CDH13: variants seen among roughly 807,000 people sequenced by gnomAD.
CDH13 encodes cadherin-13.
CDH13 carries 24 observed loss-of-function variants against 63.8 expected under a neutral mutation model. The ratio of observed to expected loss-of-function variants is 0.38; its 90% CI spans 0.27 to 0.53. The LOEUF (loss-of-function observed/expected upper bound fraction) is 0.53. Among genes scored for constraint, CDH13 ranks in the 20% least tolerant of loss-of-function variants. CDH13 has a pLI of 0.85. For missense variants in CDH13, 1,049 were observed against 903.1 expected (o/e 1.16, Z -2.07); for synonymous variants, 503 against 355.3 (o/e 1.42, Z -4.67).
intron 2 of CDH13, among the ~76,000 whole-genome samples, chr16:82,927,727 T>C (rs2042348644): frequency 6.6e-6 from 1 of 152,200 alleles, no homozygotes; most frequent in Non-Finnish European, 1.5e-5. Context: ...TCGTGAGTGA[T>C]AACAGGTAAG....
intron 2 of CDH13, among the ~76,000 whole-genome samples, chr16:82,860,200 G>T (rs1409534278): frequency 6.6e-6 from 1 of 152,080 alleles, no homozygotes; most frequent in Admixed American, 6.5e-5. Context: ...GCGACCCTGA[G>T]TATGGAAATT....
At chr16:83,137,325 G>T (rs1403246700) in intron 4 of CDH13, among the ~76,000 whole-genome samples, 2 of 152,194 alleles carry the variant, frequency 1.3e-5, no homozygotes, top group Non-Finnish European at 1.5e-5. Context: ...CCTAAGGCTG[G>T]AAAATTCTGC....
chr16:83,341,517 A>G (rs1030510259), intron 5 of CDH13, among the ~76,000 whole-genome samples: 1 of 152,286 alleles, frequency 6.6e-6, no homozygotes, highest in East Asian at 1.9e-4. Context: ...TAATAAGATG[A>G]TTTTAAAACT....
chr16:82,910,783 C>A (rs1567653624), intron 2 of CDH13, among the ~76,000 whole-genome samples: 3 of 152,230 alleles, frequency 2.0e-5, no homozygotes, highest in East Asian at 3.9e-4. Flanking sequence ...TTTGGAGGTG[C>A]AGATTTAGAG....
chr16:83,278,511 G>C (rs1163593448), intron 5 of CDH13, among the ~76,000 whole-genome samples: 1 of 152,174 alleles, frequency 6.6e-6, no homozygotes, highest in East Asian at 1.9e-4. Context: ...GTTATAGTTG[G>C]TTTTGAGTTG....
At chr16:83,664,285 C>G (rs528214679) in intron 8 of CDH13, among the ~76,000 whole-genome samples, 3 of 152,112 alleles carry the variant, frequency 2.0e-5, no homozygotes, top group African/African-American at 7.2e-5. Context: ...TCTACTGTGA[C>G]GTAGCTAGGG....
At chr16:83,076,948 C>T (rs1355203394) in intron 3 of CDH13, among the ~76,000 whole-genome samples, 1 of 151,980 alleles carries the variant, frequency 6.6e-6, no homozygotes, top group Non-Finnish European at 1.5e-5. Context: ...CTGAATACAA[C>T]TGTGCAACCC....
intron 1 of CDH13, among the ~76,000 whole-genome samples, chr16:82,804,182 C>CCAGCCTGGTG (rs1346897269): frequency 1.3e-3 from 148 of 113,030 alleles, no homozygotes; most frequent in African/African-American, 6.4e-3. Flanking sequence ...GAGCTGAGAT[C>CCAGCCTGGTG]ACGCTACTGC....
intron 4 of CDH13, among the ~76,000 whole-genome samples, chr16:83,214,444 G>A (rs1476187704): frequency 6.6e-6 from 1 of 151,760 alleles, no homozygotes. Flanking sequence ...GCCAGGCATG[G>A]TGGCGTGTGC....
intron 6 of CDH13, among the ~76,000 whole-genome samples, chr16:83,352,870 A>G (rs1315746129): frequency 6.6e-6 from 1 of 152,246 alleles, no homozygotes; most frequent in African/African-American, 2.4e-5. Flanking sequence ...AGCCTGGGCG[A>G]TAGAGCGAGA....
rs369409446 is a variant in CDH13 at position 82,916,504 on chromosome 16, T to G, written c.157+58031T>G. Among the ~76,000 whole-genome samples, 3 of 151,816 alleles carry G rather than the reference T, an allele frequency of 2.0e-5. No homozygotes were observed. The East Asian group carries it at 5.8e-4, about 29-fold the overall frequency. On this transcript the variant is annotated intron_variant, in intron 2 of 13. Transcript: ENST00000567109. ...CAGGAGAATCGTTTGAATCTGGGAG[T>G]TGGAGGTTGCAGTGAGCTGAGATCG...
In CDH13 at chr16:83,191,275, A is replaced by C. The variant is rs56322826; in HGVS notation, c.484-26070A>C. 3.8e-3 allele frequency among the ~76,000 whole-genome samples: 548 copies of C among 146,048 alleles called. 8 individuals are homozygous for C. Among genetic ancestry groups the C allele is most frequent in the African/African-American group, 0.013 (526 of 39,194 alleles). ...AAGCCTGTAACAAATCACAAGTGTT[A>C]ATAGTTTGTCTAGGCCACCTCTACT... On this transcript the variant is annotated intron_variant, in intron 4 of 13. Transcript: ENST00000567109.
chr16:83,409,323 C>T (rs547006446), intron 6 of CDH13, among the ~76,000 whole-genome samples: 11 of 152,204 alleles, frequency 7.2e-5, no homozygotes, highest in Admixed American at 3.3e-4. Flanking sequence ...TCCCCCAGCA[C>T]TCCTGGGCTA....
Position 83,527,200 on chromosome 16 carries a change from A to G in CDH13, c.960+40545A>G, listed in dbSNP as rs143636864. On this transcript the variant is annotated intron_variant, in intron 7 of 13. Transcript: ENST00000567109. Reference sequence around the variant, plus strand: ...CGTGCTGGCTCACACCTGTAATCTCAGTGCTTTGGGAGGCTGAGGCAGGCA... The same window carrying G: ...CGTGCTGGCTCACACCTGTAATCTCGGTGCTTTGGGAGGCTGAGGCAGGCA... Among the ~76,000 whole-genome samples, 1,441 of 152,174 alleles carry G rather than the reference A, an allele frequency of 9.5e-3. 15 individuals carry two copies. The highest frequency in any genetic ancestry group is 0.033 in the African/African-American group (1,355 of 41,504).
chr16:82,810,976 T>C (rs575441135), intron 1 of CDH13, among the ~76,000 whole-genome samples: 7 of 152,150 alleles, frequency 4.6e-5, no homozygotes, highest in Non-Finnish European at 7.4e-5. Flanking sequence ...TGGACCCTTC[T>C]CTCAGTCTGC....
At chr16:83,136,319 TA>T (rs1181938242) in intron 4 of CDH13, among the ~76,000 whole-genome samples, 4 of 151,344 alleles carry the variant, frequency 2.6e-5, no homozygotes, top group African/African-American at 9.7e-5. Context: ...CTGTCTCTAC[TA>T]AAAAATACAA....
At chr16:83,204,544 A>C (rs2039126650) in intron 4 of CDH13, among the ~76,000 whole-genome samples, 1 of 152,166 alleles carries the variant, frequency 6.6e-6, no homozygotes, top group Non-Finnish European at 1.5e-5. Context: ...TCCATTGTGC[A>C]GAAGACAGGA....
chr16:82,712,934 A>G (rs899100287), intron 1 of CDH13, among the ~76,000 whole-genome samples: 4 of 152,176 alleles, frequency 2.6e-5, no homozygotes, highest in South Asian at 2.1e-4. Flanking sequence ...CTCCTCTCCT[A>G]GAACGTGAGC....
At chr16:82,988,290 C>T (rs981295220) in intron 2 of CDH13, among the ~76,000 whole-genome samples, 1 of 152,130 alleles carries the variant, frequency 6.6e-6, no homozygotes, top group Non-Finnish European at 1.5e-5. Flanking sequence ...GCACTGGGGG[C>T]ATCCAAGGTG....
Sources: allele counts gnomAD v4.1 joint callset (sites outside exome capture counted in the v4.1 genomes callset), GRCh38; gene constraint gnomAD v4.1.1; transcripts MANE v1.5; gene names NCBI Gene and HGNC (gene_info 2026-07-23, HGNC 2026-07-21).